ECM2: variants seen among roughly 807,000 people sequenced by gnomAD.
ECM2 encodes the protein extracellular matrix protein 2.
A neutral mutation model predicts 67.5 loss-of-function variants in ECM2; 57 were observed. The ratio of observed to expected loss-of-function variants is 0.84; its 90% CI spans 0.68 to 1.05. The LOEUF is 1.05. Among genes scored for constraint, ECM2 ranks in the 50% least tolerant of loss-of-function variants. The pLI, the probability that ECM2 is intolerant of heterozygous loss-of-function variation, is 0.00. For missense variants in ECM2, 741 were observed against 822.8 expected, an observed-to-expected ratio of 0.90 and a Z score of 1.22; for synonymous variants, 258 against 294.5, an observed-to-expected ratio of 0.88 and a Z score of 1.27.
chr9:92,557,146 G>A, the ECM2 span, among the ~76,000 whole-genome samples: 1 of 152,192 alleles, frequency 6.6e-6, no homozygotes, highest in South Asian at 2.1e-4. Flanking sequence ...GAGGAGTAGG[G>A]TCCCAATCCC....
chr9:92,542,698 G>A, the ECM2 span, among the ~76,000 whole-genome samples: 1 of 152,126 alleles, frequency 6.6e-6, no homozygotes, highest in African/African-American at 2.4e-5. Context: ...GTGTATTTTA[G>A]TAGAGACAAG....
At chr9:92,542,763 C>T in the ECM2 span, among the ~76,000 whole-genome samples, 6,056 of 152,252 alleles carry the variant, frequency 0.04, 184 homozygotes, top group South Asian at 0.099. Flanking sequence ...CCACCGGCCT[C>T]GGCCTCCCAA....
the ECM2 span, among the ~76,000 whole-genome samples, chr9:92,549,795 G>T: frequency 6.6e-6 from 1 of 152,216 alleles, no homozygotes; most frequent in South Asian, 2.1e-4. Flanking sequence ...CTGTTAGGCA[G>T]TGGAGAACAT....
At chr9:92,544,672 C>T in the ECM2 span, among the ~76,000 whole-genome samples, 2 of 151,152 alleles carry the variant, frequency 1.3e-5, no homozygotes, top group African/African-American at 4.9e-5. Flanking sequence ...GAAAGCGTGG[C>T]TCACCAATGT....
the ECM2 span, among the ~76,000 whole-genome samples, chr9:92,546,398 C>T: frequency 1.6e-4 from 25 of 152,188 alleles, no homozygotes; most frequent in Admixed American, 3.9e-4. Context: ...GCTGCTCACT[C>T]TTTGGGTCCA....
chr9:92,503,194 A>G (rs1333908339), intron 7 of ECM2, among the ~76,000 whole-genome samples: 1 of 152,250 alleles, frequency 6.6e-6, no homozygotes, highest in African/African-American at 2.4e-5. Flanking sequence ...GTTGCAAGAA[A>G]TGGCATACCA....
intron 7 of ECM2, 37 bp from the exon 8 acceptor site, chr9:92,502,689 TGTTA>T (rs757157211): frequency 6.8e-6 from 10 of 1,475,010 alleles, no homozygotes; most frequent in Admixed American, 6.2e-5. Context: ...TTTTCTTTTG[TGTTA>T]GTTGATACGT....
intron 1 of ECM2, among the ~76,000 whole-genome samples, chr9:92,533,601 G>T (rs1414536086): frequency 1.3e-5 from 2 of 151,668 alleles, no homozygotes; most frequent in Admixed American, 6.6e-5. Flanking sequence ...TTCTCAGCAG[G>T]TCTAATGATC....
chr9:92,542,062 G>A, the ECM2 span, among the ~76,000 whole-genome samples: 1 of 152,190 alleles, frequency 6.6e-6, no homozygotes, highest in Non-Finnish European at 1.5e-5. Context: ...AAAGTGCTGG[G>A]ATTATAGGCG....
chr9:92,499,131 GA>G (rs1334855686), intron 9 of ECM2, among the ~76,000 whole-genome samples: 1 of 152,218 alleles, frequency 6.6e-6, no homozygotes, highest in Admixed American at 6.5e-5. Context: ...GCAGACACAA[GA>G]GCCAGTTTGA....
At chr9:92,524,881 T>C (rs1290914237) in intron 1 of ECM2, among the ~76,000 whole-genome samples, 4 of 152,076 alleles carry the variant, frequency 2.6e-5, no homozygotes, top group Admixed American at 2.6e-4. Flanking sequence ...AAATCTATGA[T>C]AGGAAGGAAT....
chr9:92,514,103 C>T (rs1377655200), intron 4 of ECM2, among the ~76,000 whole-genome samples: 1 of 148,460 alleles, frequency 6.7e-6, no homozygotes, highest in Non-Finnish European at 1.5e-5. Context: ...ACAGTCTTCA[C>T]AGAGCAATGA....
At position 92,503,059 on chromosome 9, in the gene ECM2, C is replaced by T. The variant is rs139341073; in HGVS notation, c.1465-407G>A. On this transcript the variant is annotated intron_variant, in intron 7 of 9. Transcript: ENST00000344604. ...CTAAGCTCAAGTGATCTACCCGCCT[C>T]GGCCTCCCAAAGTGCTGGAATTACA... Among the ~76,000 whole-genome samples the T allele has an allele frequency of 7.1e-3, 1,083 of 152,058 alleles. 12 individuals carry two copies. The highest frequency in any genetic ancestry group is 0.024 in the African/African-American group (1,002 of 41,492).
intron 2 of ECM2, among the ~76,000 whole-genome samples, chr9:92,518,172 C>A (rs1847842652): frequency 6.6e-6 from 1 of 152,172 alleles, no homozygotes; most frequent in African/African-American, 2.4e-5. Context: ...ACAACATCAA[C>A]AAACAATCCC....
rs1848145049 is a variant in ECM2 at position 92,522,584 on chromosome 9, C to T, written c.283G>A (p.Val95Met). ...CATAGTGTTCTCTTACCTGGTAACA[C>T]ATTATAACTTGATTCTACTCCAGGA... ...SFPGVESSYNVLPGKKGHCLV... is the reference protein window; with the variant it reads ...SFPGVESSYNMLPGKKGHCLV... Residue 95 changes from valine to methionine, a missense_variant, in exon 2 of 10, where the codon GTG becomes ATG. Coordinates refer to ENST00000344604, the MANE Select transcript of ECM2 (RefSeq NM_001393.4). 1.9e-6 allele frequency: 3 copies of T among 1,611,214 alleles called. No homozygotes were observed. The South Asian group carries it at 3.3e-5, about 18-fold the overall frequency.
chr9:92,517,653 C>A, intron 3 of ECM2, 34 bp downstream of exon 3: 1 of 1,612,240 alleles, frequency 6.2e-7, no homozygotes, highest in South Asian at 1.1e-5. Context: ...AGATTAATCA[C>A]ACACTGATAT....
intron 7 of ECM2, among the ~76,000 whole-genome samples, chr9:92,504,816 G>C (rs1846898439): frequency 6.6e-6 from 1 of 152,198 alleles, no homozygotes; most frequent in Non-Finnish European, 1.5e-5. Flanking sequence ...TGGGATTACT[G>C]GCGTGAGCCA....
downstream of ECM2, chr9:92,494,149 G>A (rs763353154): frequency 3.1e-6 from 5 of 1,597,094 alleles, no homozygotes; most frequent in East Asian, 1.1e-4. Context: ...CTGAAACACA[G>A]CTGAATAAAG....
At chr9:92,498,548 A>G (rs1416247574) in intron 9 of ECM2, among the ~76,000 whole-genome samples, 1 of 152,150 alleles carries the variant, frequency 6.6e-6, no homozygotes, top group Non-Finnish European at 1.5e-5. Flanking sequence ...AATATTTAAC[A>G]CAGTCAAAAA....
Sources: gnomAD v4.1 joint callset for allele counts (sites outside exome capture counted in the v4.1 genomes callset) on GRCh38, gnomAD v4.1.1 for gene constraint, MANE v1.5 for transcripts, NCBI Gene and HGNC (gene_info 2026-07-23, HGNC 2026-07-21) for gene names.